SLC24A2: variants seen among roughly 807,000 people sequenced by gnomAD.
SLC24A2 encodes the protein sodium/potassium/calcium exchanger 2.
Under a neutral mutation model 62.0 loss-of-function variants are expected in SLC24A2, and 36 were observed. The ratio of observed to expected loss-of-function variants is 0.58; its 90% confidence interval spans 0.44 to 0.77. The LOEUF (loss-of-function observed/expected upper bound fraction) is 0.77, where lower values mean the gene tolerates loss of function less well. SLC24A2 is among the 30% of genes least tolerant of loss of function. SLC24A2 has a pLI of 0.00. For synonymous variants in SLC24A2, 358 were observed against 294.0 expected (o/e 1.22, Z -2.23); for missense variants, 846 against 817.9 (o/e 1.03, Z -0.42).
At chr9:20,176,896 G>C in the SLC24A2 span, among the ~76,000 whole-genome samples, 1 of 151,786 alleles carries the variant, frequency 6.6e-6, no homozygotes, top group African/African-American at 2.4e-5. Context: ...ACTTCTAACA[G>C]TTATCTAAAG....
At chr9:19,730,200 C>T (rs1030674248) in intron 2 of SLC24A2, among the ~76,000 whole-genome samples, 26 of 151,982 alleles carry the variant, frequency 1.7e-4, no homozygotes, top group African/African-American at 5.6e-4. Flanking sequence ...TATTTCATTG[C>T]CTTTAATGTA....
Position 19,509,306 on chromosome 9 carries a change from A to T in SLC24A2, c.*6847T>A, listed in dbSNP as rs1832623310. ...GAAATGAATAATTTCTTTGATTTTC[A>T]AACAGTTTTATTAAAGCACACATCT... On this transcript the variant is annotated 3_prime_UTR_variant, in exon 11 of 11. Coordinates refer to ENST00000341998, the MANE Select transcript of SLC24A2 (RefSeq NM_020344.4). 6.6e-6 allele frequency: 1 copy of T among 152,204 alleles called. No homozygotes were observed. The highest frequency in any genetic ancestry group is 1.9e-4 in the East Asian group (1 of 5,206). 9.4% of individuals were successfully genotyped at this position (152,204 alleles called of 1,614,324 possible).
chr9:19,770,340 C>G (rs1317958537), intron 2 of SLC24A2, among the ~76,000 whole-genome samples: 1 of 151,718 alleles, frequency 6.6e-6, no homozygotes, highest in East Asian at 2.0e-4. Context: ...AAAATCATAC[C>G]CAAATATAGT....
At chr9:19,701,906 G>C (rs1212612025) in intron 2 of SLC24A2, among the ~76,000 whole-genome samples, 1 of 152,006 alleles carries the variant, frequency 6.6e-6, no homozygotes, top group African/African-American at 2.4e-5. Flanking sequence ...TAGAATACTT[G>C]AGTCAAATCA....
At chr9:20,265,432 A>G in the SLC24A2 span, among the ~76,000 whole-genome samples, 1 of 152,222 alleles carries the variant, frequency 6.6e-6, no homozygotes, top group African/African-American at 2.4e-5. Flanking sequence ...TAATACTTTT[A>G]TAATTTCTTA....
At chr9:19,992,146 A>G in the SLC24A2 span, among the ~76,000 whole-genome samples, 1 of 152,248 alleles carries the variant, frequency 6.6e-6, no homozygotes, top group African/African-American at 2.4e-5. Context: ...TGTTTAATAC[A>G]GGACTTGTCA....
the SLC24A2 span, among the ~76,000 whole-genome samples, chr9:20,173,631 A>G: frequency 6.6e-6 from 1 of 152,078 alleles, no homozygotes; most frequent in Non-Finnish European, 1.5e-5. Context: ...CCTTAGGAAT[A>G]TACCTAACCG....
At chr9:20,152,605 A>T in the SLC24A2 span, among the ~76,000 whole-genome samples, 1 of 152,024 alleles carries the variant, frequency 6.6e-6, no homozygotes, top group East Asian at 1.9e-4. Flanking sequence ...GAACTATTAA[A>T]CAACAAGCTG....
Position 19,714,468 on chromosome 9 carries a change from T to C in SLC24A2, c.930+71469A>G, listed in dbSNP as rs192173471. 9.6e-4 allele frequency among the ~76,000 whole-genome samples: 145 copies of C among 150,494 alleles called. 1 individual carries two copies. The highest frequency in any genetic ancestry group is 3.4e-3 in the African/African-American group (139 of 41,420). ...TAAAATAAAATAAAATAAATCGCCA[T>C]CTTTACTTCTGTTTCTAGAGTCTCG... On this transcript the variant is annotated intron_variant, in intron 2 of 10. Coordinates refer to ENST00000341998, the MANE Select transcript of SLC24A2 (RefSeq NM_020344.4).
the SLC24A2 span, among the ~76,000 whole-genome samples, chr9:19,973,811 A>G: frequency 6.6e-6 from 1 of 152,206 alleles, no homozygotes; most frequent in Non-Finnish European, 1.5e-5. Flanking sequence ...AGGTTGTTTA[A>G]AATTGTTTAG....
At chr9:19,958,007 T>A in the SLC24A2 span, 1 of 152,694 alleles carries the variant, frequency 6.5e-6, no homozygotes, top group Non-Finnish European at 1.5e-5. Flanking sequence ...CACCAGGATC[T>A]TGTCCATACT....
Position 19,512,071 on chromosome 9 carries a change from A to G in SLC24A2, c.*4082T>C, listed in dbSNP as rs7871654. Reference sequence around the variant, plus strand: ...TTTTCTTTGGTCAACTTTTTGTTAAAGTGGTCTGGGGGTGGGCTCCCTTTG... The same window carrying G: ...TTTTCTTTGGTCAACTTTTTGTTAAGGTGGTCTGGGGGTGGGCTCCCTTTG... On this transcript the variant is annotated 3_prime_UTR_variant, in exon 11 of 11. Coordinates refer to ENST00000341998, the MANE Select transcript of SLC24A2 (RefSeq NM_020344.4). 0.64 allele frequency: 97,939 copies of G among 152,178 alleles called. 32,527 individuals carry two copies. The highest frequency in any genetic ancestry group is 0.93 in the East Asian group (4,785 of 5,168). The allele number at this position is 152,178 out of a possible 1,614,324, so 9.4% of individuals were successfully genotyped here. A position where few individuals can be genotyped will look rare whatever the true frequency, so the allele number is the denominator to read the frequency against.
At chr9:19,904,950 G>T in the SLC24A2 span, among the ~76,000 whole-genome samples, 1 of 152,160 alleles carries the variant, frequency 6.6e-6, no homozygotes, top group African/African-American at 2.4e-5. Flanking sequence ...ATTAATCTTA[G>T]AGGAAGAGAG....
the SLC24A2 span, among the ~76,000 whole-genome samples, chr9:20,198,795 A>T: frequency 6.6e-6 from 1 of 151,996 alleles, no homozygotes; most frequent in Admixed American, 6.6e-5. Flanking sequence ...CACAGTTAAG[A>T]TTGCTAAACT....
the SLC24A2 span, among the ~76,000 whole-genome samples, chr9:19,896,913 T>C: frequency 6.6e-6 from 1 of 152,254 alleles, no homozygotes; most frequent in African/African-American, 2.4e-5. Context: ...GATTATTCTT[T>C]TAAAGTGTCT....
At chr9:19,985,405 T>C in the SLC24A2 span, among the ~76,000 whole-genome samples, 2 of 152,146 alleles carry the variant, frequency 1.3e-5, no homozygotes, top group South Asian at 4.1e-4. Context: ...TATTCGGAAA[T>C]AAAAAGAAAT....
chr9:19,509,055 C>G lies in SLC24A2; in HGVS notation c.*7098G>C, dbSNP rs1008080919. 2 of 152,108 alleles carry G rather than the reference C, an allele frequency of 1.3e-5. No individual in the cohort carries two copies. Among genetic ancestry groups the G allele is most frequent in the African/African-American group, 4.8e-5 (2 of 41,438 alleles). 9.4% of individuals were successfully genotyped at this position (152,108 alleles called of 1,614,324 possible). A position where few individuals can be genotyped will look rare whatever the true frequency, so the allele number is the denominator to read the frequency against. On this transcript the variant is annotated 3_prime_UTR_variant, in exon 11 of 11. Transcript: ENST00000341998. ...TCTATTTCCCATTTTTATAAGGGAA[C>G]TTCTTAGACCCATCCTATATTTATA...
chr9:19,532,901 T>C (rs2132676129), intron 8 of SLC24A2, among the ~76,000 whole-genome samples: 1 of 152,358 alleles, frequency 6.6e-6, no homozygotes, highest in East Asian at 1.9e-4. Flanking sequence ...GGAGTATCTA[T>C]CTTAGTCATG....
At chr9:19,832,396 T>C in the SLC24A2 span, among the ~76,000 whole-genome samples, 5 of 152,220 alleles carry the variant, frequency 3.3e-5, no homozygotes, top group South Asian at 2.1e-4. Context: ...AAACAAGTGA[T>C]TAGTAACGGA....
Sources: gnomAD v4.1 joint callset for allele counts (sites outside exome capture counted in the v4.1 genomes callset) on GRCh38, gnomAD v4.1.1 for gene constraint, MANE v1.5 for transcripts, NCBI Gene and HGNC (gene_info 2026-07-23, HGNC 2026-07-21) for gene names.